AFF2: variants seen among roughly 807,000 people sequenced by gnomAD.
AFF2 encodes ALF transcription elongation factor 2, also known as AF4/FMR2 family member 2.
AFF2 carries 14 observed loss-of-function variants against 76.9 expected under a neutral mutation model. The observed-to-expected ratio is 0.18, with a 90% confidence interval of 0.12 to 0.28. The LOEUF (loss-of-function observed/expected upper bound fraction) is 0.28, where lower values mean the gene tolerates loss of function less well. Among genes scored for constraint, AFF2 ranks in the 10% least tolerant of loss-of-function variants. AFF2 has a pLI of 1.00. For synonymous variants in AFF2, 398 were observed against 366.7 expected (o/e 1.09, Z -0.98); for missense variants, 868 against 1,001.1 (o/e 0.87, Z 1.79).
chrX:148,558,980 G>T lies in AFF2; in HGVS notation c.47+57836G>T, dbSNP rs782462861. Among the ~76,000 whole-genome samples the T allele has an allele frequency of 8.1e-5, 9 of 111,143 alleles. No individual in the cohort carries two copies. In the South Asian group the frequency reaches 3.5e-3, roughly 43 times the overall value. On this transcript the variant is annotated intron_variant, in intron 1 of 20. Transcript: ENST00000370460. The stretch of plus-strand genomic sequence containing the variant: ...CCATTCTCAGCTGTTGGTGCCCTTA[G>T]TGTGTGAGATAGTGGTAATAGGAGT...
chrX:148,978,839 G>T (rs1246890907), intron 18 of AFF2, among the ~76,000 whole-genome samples: 1 of 111,908 alleles, frequency 8.9e-6, no homozygotes, highest in East Asian at 2.8e-4. Flanking sequence ...AGAAGTCACT[G>T]TGGCCACCCT....
intron 3 of AFF2, among the ~76,000 whole-genome samples, chrX:148,759,964 A>C (rs782741883): frequency 2.7e-5 from 3 of 112,232 alleles, no homozygotes; most frequent in Non-Finnish European, 5.6e-5. Context: ...AGCAATTGTG[A>C]ATTAATACTT....
At chrX:148,556,950 G>A (rs1411090565) in intron 1 of AFF2, among the ~76,000 whole-genome samples, 5 of 112,113 alleles carry the variant, frequency 4.5e-5, no homozygotes, top group Non-Finnish European at 9.4e-5. Context: ...TTTCTTGATG[G>A]TAGTGGTGAT....
chrX:148,547,136 C>A (rs2052930473), intron 1 of AFF2: 1 of 110,463 alleles, frequency 9.1e-6, no homozygotes, highest in South Asian at 4.0e-4. Context: ...CTACTCCTTT[C>A]TTTCAGTGAA....
chrX:148,901,437 C>T (rs73612073), intron 8 of AFF2, among the ~76,000 whole-genome samples: 4,403 of 112,016 alleles, frequency 0.039, 235 homozygotes, highest in African/African-American at 0.13. Flanking sequence ...AACTCTCCAG[C>T]CTCCATTTTC....
chrX:148,564,261 G>A (rs782798385), intron 1 of AFF2, among the ~76,000 whole-genome samples: 27 of 110,493 alleles, frequency 2.4e-4, no homozygotes, highest in African/African-American at 7.9e-4. Context: ...TATATATGTT[G>A]TTCATGTCTG....
At chrX:148,669,439 A>G (rs1006876573) in intron 3 of AFF2, among the ~76,000 whole-genome samples, 4 of 111,901 alleles carry the variant, frequency 3.6e-5, no homozygotes, top group African/African-American at 1.3e-4. Flanking sequence ...GACATATCTG[A>G]GACTGGGCAG....
At chrX:148,637,347 A>G (rs1197794991) in intron 1 of AFF2, among the ~76,000 whole-genome samples, 1 of 112,361 alleles carries the variant, frequency 8.9e-6, no homozygotes, top group Non-Finnish European at 1.9e-5. Flanking sequence ...GGAGAAATGA[A>G]AATAGAAAAG....
chrX:148,983,965 A>AAAAAAAAAACAAAAAAAC (rs1438744109), intron 19 of AFF2, among the ~76,000 whole-genome samples: 1 of 99,781 alleles, frequency 1.0e-5, no homozygotes, highest in African/African-American at 3.9e-5. Flanking sequence ...AAAAAAAAAA[A>AAAAAAAAAACAAAAAAAC]AAACTGCCCT....
At chrX:148,520,272 T>G (rs2052580693) in intron 1 of AFF2, among the ~76,000 whole-genome samples, 1 of 112,648 alleles carries the variant, frequency 8.9e-6, no homozygotes, top group Admixed American at 9.4e-5. Flanking sequence ...CAAAATGTTT[T>G]GTAAGAGCAT....
intron 7 of AFF2, among the ~76,000 whole-genome samples, chrX:148,881,266 T>C (rs1444105659): frequency 1.8e-5 from 2 of 111,831 alleles, no homozygotes; most frequent in Non-Finnish European, 1.9e-5. Flanking sequence ...GAGCCTATTA[T>C]GCCCAGTCTT....
intron 8 of AFF2, among the ~76,000 whole-genome samples, chrX:148,898,240 T>C (rs932940020): frequency 7.1e-5 from 8 of 111,957 alleles, no homozygotes; most frequent in African/African-American, 9.7e-5. Flanking sequence ...TAGTACCTGC[T>C]ATTCAGTGGC....
chrX:148,791,761 G>T (rs923068655), intron 3 of AFF2, among the ~76,000 whole-genome samples: 1 of 111,452 alleles, frequency 9.0e-6, no homozygotes, highest in Non-Finnish European at 1.9e-5. Context: ...TGAAGTGATT[G>T]TATTGGCCAT....
At chrX:148,852,168 A>C (rs781904179) in intron 7 of AFF2, among the ~76,000 whole-genome samples, 9 of 111,308 alleles carry the variant, frequency 8.1e-5, no homozygotes, top group African/African-American at 2.9e-4. Flanking sequence ...GGTATTGTGA[A>C]TAGTGCTGCA....
intron 1 of AFF2, among the ~76,000 whole-genome samples, chrX:148,635,542 G>A (rs2054022188): frequency 8.9e-6 from 1 of 111,970 alleles, no homozygotes; most frequent in Non-Finnish European, 1.9e-5. Context: ...TGAAACTGAT[G>A]TAATACCTGT....
chrX:148,745,281 G>A (rs73605923), intron 3 of AFF2, among the ~76,000 whole-genome samples: 5,648 of 111,362 alleles, frequency 0.051, 336 homozygotes, highest in African/African-American at 0.17. Flanking sequence ...TTCTAAAATT[G>A]TTGTACATCT....
chrX:148,513,913 T>A (rs917614191), intron 1 of AFF2, among the ~76,000 whole-genome samples: 8 of 111,140 alleles, frequency 7.2e-5, no homozygotes, highest in African/African-American at 2.6e-4. Flanking sequence ...AGGAACTTCA[T>A]GGCTCATGGT....
chrX:148,621,906 A>C (rs1033763575), intron 1 of AFF2, among the ~76,000 whole-genome samples: 8 of 112,171 alleles, frequency 7.1e-5, no homozygotes, highest in African/African-American at 2.6e-4. Flanking sequence ...TATTTACTTT[A>C]GTCTATTATG....
At chrX:148,737,683 C>T (rs2055302204) in intron 3 of AFF2, among the ~76,000 whole-genome samples, 1 of 111,509 alleles carries the variant, frequency 9.0e-6, no homozygotes, top group African/African-American at 3.3e-5. Context: ...AGTGGGCATC[C>T]TTGTCTTGTT....
Sources: allele counts gnomAD v4.1 joint callset (sites outside exome capture counted in the v4.1 genomes callset), GRCh38; gene constraint gnomAD v4.1.1; transcripts MANE v1.5; gene names NCBI Gene and HGNC (gene_info 2026-07-23, HGNC 2026-07-21).